Variants in MAST2 observed in about 807,000 individuals in gnomAD.
The protein encoded by MAST2 is microtubule associated serine/threonine kinase 2, also known as microtubule-associated serine/threonine-protein kinase 2.
MAST2 carries 70 observed loss-of-function variants against 147.4 expected under a neutral mutation model. The observed-to-expected ratio is 0.47, with a 90% CI of 0.39 to 0.58. MAST2 has a LOEUF of 0.58. Among genes scored for constraint, MAST2 ranks in the 20% least tolerant of loss-of-function variants. The pLI is 0.00. For missense variants in MAST2, 2,080 were observed against 2,302.3 expected (o/e 0.90, Z 1.98); for synonymous variants, 869 against 896.8 (o/e 0.97, Z 0.55).
At chr1:45,981,519 A>G (rs961786300) in intron 5 of MAST2, among the ~76,000 whole-genome samples, 1 of 152,194 alleles carries the variant, frequency 6.6e-6, no homozygotes, top group Non-Finnish European at 1.5e-5. Context: ...CTCCTGAGCC[A>G]TAATTTTTAA....
rs1557526160 is a variant in MAST2, at chr1:46,034,911, A to C, written c.4242A>C (p.Ala1414=). The change falls in exon 29 of 29, where the codon GCA becomes GCC. Residue 1414 remains alanine, a synonymous_variant. Coordinates refer to ENST00000361297, the MANE Select transcript of MAST2 (RefSeq NM_015112.3). ...RVQSAEKLAA[A]LAASEKKLAT... ...AGTCGGCTGAGAAACTGGCAGCAGC[A>C]CTTGCCGCCTCTGAGAAGAAGCTAG... is the stretch of plus-strand genomic sequence containing the variant. 4 of 1,614,148 alleles carry C rather than the reference A, an allele frequency of 2.5e-6. No individual in the cohort carries two copies. The African/African-American group carries it at 5.3e-5, about 22-fold the overall frequency.
chr1:45,902,151 C>T (rs930516650), intron 4 of MAST2, among the ~76,000 whole-genome samples: 3 of 152,132 alleles, frequency 2.0e-5, no homozygotes, highest in East Asian at 3.8e-4. Flanking sequence ...TTTGAGGTGT[C>T]TTCCTTCAAT....
intron 10 of MAST2, among the ~76,000 whole-genome samples, chr1:46,013,031 G>C (rs915244983): frequency 6.6e-6 from 1 of 152,048 alleles, no homozygotes; most frequent in Non-Finnish European, 1.5e-5. Flanking sequence ...GTATCGTGAA[G>C]GCAGTGGGTA....
At chr1:45,842,265 G>A (rs1246325688) in intron 3 of MAST2, among the ~76,000 whole-genome samples, 1 of 152,184 alleles carries the variant, frequency 6.6e-6, no homozygotes, top group Non-Finnish European at 1.5e-5. Context: ...TTGATTCTCA[G>A]ATGATGACAG....
intron 5 of MAST2, among the ~76,000 whole-genome samples, chr1:45,985,834 A>G (rs777308031): frequency 3.3e-5 from 5 of 152,184 alleles, no homozygotes; most frequent in Non-Finnish European, 5.9e-5. Context: ...TGTCAAATTT[A>G]TCACTAGGTG....
At chr1:45,839,958 A>G (rs1472821429) in intron 3 of MAST2, among the ~76,000 whole-genome samples, 1 of 152,238 alleles carries the variant, frequency 6.6e-6, no homozygotes, top group African/African-American at 2.4e-5. Context: ...CTCATGCTGT[A>G]CAAAAATTAA....
At chr1:45,833,415 A>T (rs1645016367) in intron 3 of MAST2, among the ~76,000 whole-genome samples, 1 of 152,098 alleles carries the variant, frequency 6.6e-6, no homozygotes, top group South Asian at 2.1e-4. Flanking sequence ...AAAAAATTAC[A>T]TAGAGTGAAA....
At chr1:45,856,400 A>G (rs774037925) in intron 3 of MAST2, among the ~76,000 whole-genome samples, 1 of 152,244 alleles carries the variant, frequency 6.6e-6, no homozygotes, top group Non-Finnish European at 1.5e-5. Flanking sequence ...AAACCTTTTC[A>G]GACAAGGTAT....
At chr1:45,982,765 T>C (rs969111081) in intron 5 of MAST2, among the ~76,000 whole-genome samples, 5 of 152,208 alleles carry the variant, frequency 3.3e-5, no homozygotes, top group Non-Finnish European at 7.3e-5. Context: ...CTGGTGGTCT[T>C]GGCCCCTCCC....
chr1:45,899,514 A>T (rs1001460580), intron 4 of MAST2, among the ~76,000 whole-genome samples: 1 of 151,756 alleles, frequency 6.6e-6, no homozygotes, highest in Non-Finnish European at 1.5e-5. Context: ...TTATGACCAC[A>T]CGTACCCATT....
chr1:45,937,100 GTTTA>G (rs1471578166), intron 4 of MAST2, among the ~76,000 whole-genome samples: 195 of 129,308 alleles, frequency 1.5e-3, no homozygotes, highest in African/African-American at 5.3e-3. Context: ...TTATTTGTTT[GTTTA>G]TTTATTTTCT....
intron 17 of MAST2, 54 bp downstream of exon 17, chr1:46,027,917 C>T (rs1312172161): frequency 7.5e-6 from 12 of 1,601,736 alleles, no homozygotes; most frequent in Middle Eastern, 1.7e-4. Flanking sequence ...CTTGTCCTGG[C>T]GCAGTGTCTT....
chr1:45,940,796 A>G (rs1419022584), intron 4 of MAST2, among the ~76,000 whole-genome samples: 1 of 151,622 alleles, frequency 6.6e-6, no homozygotes, highest in Non-Finnish European at 1.5e-5. Flanking sequence ...ATTTTTTTGT[A>G]TTTTAGTAGA....
chr1:45,859,315 GTC>G (rs1645901342), intron 3 of MAST2, among the ~76,000 whole-genome samples: 1 of 152,178 alleles, frequency 6.6e-6, no homozygotes, highest in African/African-American at 2.4e-5. Flanking sequence ...GGCCAGGCTA[GTC>G]TCAAACTCCT....
At chr1:45,831,956 T>C (rs1232117192) in intron 3 of MAST2, among the ~76,000 whole-genome samples, 1 of 151,896 alleles carries the variant, frequency 6.6e-6, no homozygotes, top group African/African-American at 2.4e-5. Flanking sequence ...ATTTTTGTAT[T>C]TTTAGTAGAG....
intron 22 of MAST2, 112 bp downstream of exon 22, chr1:46,030,873 T>C (rs1571287912): frequency 2.7e-6 from 4 of 1,468,050 alleles, no homozygotes; most frequent in East Asian, 2.4e-5. Flanking sequence ...GGAGGGGGCA[T>C]TCACAAGGGT....
chr1:45,815,199 T>G (rs1451634518), intron 1 of MAST2, among the ~76,000 whole-genome samples: 1 of 151,724 alleles, frequency 6.6e-6, no homozygotes, highest in Non-Finnish European at 1.5e-5. Flanking sequence ...TTTTTTTTTT[T>G]GAAACTGTCT....
intron 4 of MAST2, among the ~76,000 whole-genome samples, chr1:45,901,719 C>T (rs533327015): frequency 2.0e-5 from 3 of 152,032 alleles, no homozygotes; most frequent in East Asian, 3.9e-4. Context: ...AAATGTATTC[C>T]TAAGTATTTT....
intron 3 of MAST2, among the ~76,000 whole-genome samples, chr1:45,841,980 A>G (rs1218589641): frequency 2.0e-5 from 3 of 152,190 alleles, no homozygotes; most frequent in Non-Finnish European, 4.4e-5. Context: ...TTTGGGAAAG[A>G]AGCCTGGTAC....
Sources: allele counts gnomAD v4.1 joint callset (sites outside exome capture counted in the v4.1 genomes callset), GRCh38; gene constraint gnomAD v4.1.1; transcripts MANE v1.5; gene names NCBI Gene and HGNC (gene_info 2026-07-23, HGNC 2026-07-21).